Variants in PTPRQ observed in about 807,000 individuals in gnomAD.
PTPRQ encodes phosphatidylinositol phosphatase PTPRQ.
In PTPRQ, 199 loss-of-function variants were observed where a neutral mutation model predicts 246.0. The observed-to-expected ratio is 0.81, with a 90% confidence interval of 0.72 to 0.91. The LOEUF (loss-of-function observed/expected upper bound fraction) is 0.91, where lower values mean the gene tolerates loss of function less well. PTPRQ is among the 40% of genes least tolerant of loss of function. PTPRQ has a pLI of 0.00. For missense variants in PTPRQ, 2,624 were observed against 2,528.4 expected (o/e 1.04, Z -0.81); for synonymous variants, 869 against 853.2 (o/e 1.02, Z -0.32).
intron 25 of PTPRQ, among the ~76,000 whole-genome samples, chr12:80,583,102 T>TA (rs1439454465): frequency 6.6e-6 from 1 of 152,176 alleles, no homozygotes; most frequent in Non-Finnish European, 1.5e-5. Context: ...TGATATTTTT[T>TA]ATCTGTGAAG....
At chr12:80,525,021 G>A (rs932877537) in intron 17 of PTPRQ, among the ~76,000 whole-genome samples, 1 of 152,138 alleles carries the variant, frequency 6.6e-6, no homozygotes, top group South Asian at 2.1e-4. Flanking sequence ...ACTCATGTGG[G>A]ATATTTCTAC....
chr12:80,594,854 T>C (rs779886866), intron 26 of PTPRQ, among the ~76,000 whole-genome samples: 2 of 152,144 alleles, frequency 1.3e-5, no homozygotes, highest in African/African-American at 2.4e-5. Flanking sequence ...ATCTAAATGG[T>C]CTTTCTGCTC....
chr12:80,674,364 A>T (rs1901068095), intron 43 of PTPRQ, among the ~76,000 whole-genome samples: 1 of 152,312 alleles, frequency 6.6e-6, no homozygotes, highest in Non-Finnish European at 1.5e-5. Flanking sequence ...AATTTTTAGG[A>T]TCTTAATGTT....
intron 35 of PTPRQ, among the ~76,000 whole-genome samples, chr12:80,640,495 T>C (rs1033724749): frequency 1.3e-5 from 2 of 152,212 alleles, no homozygotes; most frequent in Non-Finnish European, 2.9e-5. Context: ...TTGGAGATAC[T>C]TAATGCTCAT....
At chr12:80,480,912 C>T (rs569055693) in intron 8 of PTPRQ, among the ~76,000 whole-genome samples, 17 of 152,218 alleles carry the variant, frequency 1.1e-4, no homozygotes, top group South Asian at 2.1e-4. Flanking sequence ...AGTCCAGGAC[C>T]GGATGGATTC....
Position 80,445,251 on chromosome 12 carries a change from A to G in PTPRQ, c.164-240A>G, listed in dbSNP as rs1028391529. On this transcript the variant is annotated intron_variant, in intron 2 of 44. Coordinates refer to ENST00000644991, the MANE Select transcript of PTPRQ (RefSeq NM_001145026.2). ...TTTCTTTTAAAAATGATTTGGCAAC[A>G]AAAGTATATTCGGCATGTAGTATTT... 6.6e-5 allele frequency among the ~76,000 whole-genome samples: 10 copies of G among 151,958 alleles called. No homozygotes were observed. The East Asian group carries it at 1.5e-3, about 23-fold the overall frequency.
At chr12:80,619,312 A>T in intron 30 of PTPRQ, 72 bp from the exon 31 acceptor site, 1 of 1,478,728 alleles carries the variant, frequency 6.8e-7, no homozygotes, top group Non-Finnish European at 9.1e-7. Context: ...ACTGCATGAA[A>T]GGAGAAAGAT....
At chr12:80,446,521 G>A (rs1892559417) in intron 3 of PTPRQ, among the ~76,000 whole-genome samples, 1 of 151,584 alleles carries the variant, frequency 6.6e-6, no homozygotes, top group Non-Finnish European at 1.5e-5. Context: ...TGGGCTTCTA[G>A]TATACCCATC....
Position 80,658,062 on chromosome 12 carries a change from G to A in PTPRQ, c.6192+1G>A. 1 of 1,359,068 alleles carries A rather than the reference G, an allele frequency of 7.4e-7. No homozygotes were observed. Among genetic ancestry groups the A allele is most frequent in the Non-Finnish European group, 9.7e-7 (1 of 1,035,212 alleles). The allele number at this position is 1,359,068 out of a possible 1,614,324, so 84.2% of individuals were successfully genotyped here. A position where few individuals can be genotyped will look rare whatever the true frequency, so the allele number is the denominator to read the frequency against. On this transcript the variant is annotated splice_donor_variant, in intron 39 of 44. Transcript: ENST00000644991. LOFTEE classifies it high-confidence loss of function. ...TTATATTAATGCCAGCTATATTTCT[G>A]TAAGTTACTATTTTATATATTTTAT...
intron 8 of PTPRQ, among the ~76,000 whole-genome samples, chr12:80,478,660 C>T (rs903206705): frequency 1.3e-5 from 2 of 152,024 alleles, no homozygotes; most frequent in Non-Finnish European, 2.9e-5. Context: ...ACTAGAATAA[C>T]CAATACAGAG....
intron 37 of PTPRQ, among the ~76,000 whole-genome samples, chr12:80,650,818 A>G (rs1050788921): frequency 3.0e-4 from 42 of 140,694 alleles, no homozygotes; most frequent in African/African-American, 1.3e-3. Flanking sequence ...AAGTTTTATT[A>G]GCAATAACAT....
intron 8 of PTPRQ, among the ~76,000 whole-genome samples, chr12:80,477,829 A>G (rs1427326085): frequency 6.6e-6 from 1 of 152,180 alleles, no homozygotes; most frequent in Non-Finnish European, 1.5e-5. Context: ...GACGGGCTTA[A>G]AAAACGGCGC....
chr12:80,563,031 A>G (rs1592658657), intron 25 of PTPRQ, among the ~76,000 whole-genome samples: 2 of 152,254 alleles, frequency 1.3e-5, no homozygotes, highest in East Asian at 3.9e-4. Context: ...CACACCTACT[A>G]CACTATACTC....
chr12:80,510,334 C>T lies in PTPRQ; in HGVS notation c.2569C>T (p.Pro857Ser), dbSNP rs1389344691. ...CCCTAACTTTACAGCTCCTGATTCT[C>T]CCCCTCAAGACTTCTCTGTAAAACA... The part of the protein sequence containing the change: ...ILTEEDAPDS[P>S]PQDFSVKQLS... Residue 857 changes from proline to serine, a missense_variant, in exon 17 of 45, where the codon CCC becomes TCC. By Grantham distance (74) the Pro-to-Ser change is moderately conservative. Coordinates refer to ENST00000644991, the MANE Select transcript of PTPRQ (RefSeq NM_001145026.2). The T allele has an allele frequency of 3.7e-5, 57 of 1,545,432 alleles. No individual in the cohort carries two copies. The highest frequency in any genetic ancestry group is 4.8e-5 in the Non-Finnish European group (55 of 1,143,984).
intron 8 of PTPRQ, among the ~76,000 whole-genome samples, chr12:80,483,931 CTT>C (rs1405719668): frequency 6.6e-6 from 1 of 152,026 alleles, no homozygotes; most frequent in Non-Finnish European, 1.5e-5. Context: ...TTTTTTAAGA[CTT>C]ATTTAATTTT....
chr12:80,471,895 AT>A (rs1893649997), intron 7 of PTPRQ, among the ~76,000 whole-genome samples: 1 of 152,082 alleles, frequency 6.6e-6, no homozygotes, highest in South Asian at 2.1e-4. Context: ...GCACTGGAAC[AT>A]TTTCATGTTC....
intron 33 of PTPRQ, among the ~76,000 whole-genome samples, chr12:80,630,450 C>T (rs1899383901): frequency 6.6e-6 from 1 of 152,130 alleles, no homozygotes; most frequent in Non-Finnish European, 1.5e-5. Flanking sequence ...GTCTTGCTCA[C>T]TAGATCAAAA....
At chr12:80,518,852 C>T (rs904753265) in intron 17 of PTPRQ, among the ~76,000 whole-genome samples, 3 of 152,088 alleles carry the variant, frequency 2.0e-5, no homozygotes, top group East Asian at 1.9e-4. Flanking sequence ...GTTTTTATGC[C>T]AGTACCATAC....
intron 9 of PTPRQ, among the ~76,000 whole-genome samples, chr12:80,485,646 T>C (rs1050192700): frequency 2.0e-5 from 3 of 152,176 alleles, no homozygotes; most frequent in African/African-American, 7.2e-5. Context: ...ATTTTAATCC[T>C]ATGTTGATTC....
Sources: gnomAD v4.1 joint callset for allele counts (sites outside exome capture counted in the v4.1 genomes callset) on GRCh38, gnomAD v4.1.1 for gene constraint, MANE v1.5 for transcripts, NCBI Gene and HGNC (gene_info 2026-07-23, HGNC 2026-07-21) for gene names.